MTUS1: variants seen among roughly 807,000 people sequenced by gnomAD.
MTUS1 encodes the protein microtubule associated scaffold protein 1.
MTUS1 carries 109 observed loss-of-function variants against 120.8 expected under a neutral mutation model. The ratio of observed to expected loss-of-function variants is 0.90; its 90% CI spans 0.77 to 1.06. MTUS1 has a LOEUF of 1.06. MTUS1 is among the 50% of genes least tolerant of loss of function. The pLI is 0.00. For missense variants in MTUS1, 2,210 were observed against 1,486.3 expected (o/e 1.49, Z -8.01); for synonymous variants, 737 against 550.5 (o/e 1.34, Z -4.74).
chr8:17,690,801 G>T (rs1227039989), intron 6 of MTUS1, among the ~76,000 whole-genome samples: 1 of 152,104 alleles, frequency 6.6e-6, no homozygotes, highest in African/African-American at 2.4e-5. Context: ...CATAATTGCT[G>T]ATGTTTATAA....
chr8:17,660,306 C>G (rs11203886), intron 8 of MTUS1, among the ~76,000 whole-genome samples: 27,209 of 152,046 alleles, frequency 0.18, 3,551 homozygotes, highest in African/African-American at 0.36. Flanking sequence ...CCAAGCAGTG[C>G]AGGTTGCAGT....
At chr8:17,714,015 C>T (rs190423474) in intron 5 of MTUS1, among the ~76,000 whole-genome samples, 1 of 152,150 alleles carries the variant, frequency 6.6e-6, no homozygotes, top group Admixed American at 6.5e-5. Flanking sequence ...TCCATGGAAT[C>T]TCATTCTCTG....
At chr8:17,662,953 C>T (rs1810085270) in intron 8 of MTUS1, among the ~76,000 whole-genome samples, 1 of 151,936 alleles carries the variant, frequency 6.6e-6, no homozygotes. Flanking sequence ...AAATGTAAGG[C>T]CACATTGAGA....
chr8:17,776,239 G>A (rs1189894299), intron 1 of MTUS1, among the ~76,000 whole-genome samples: 3 of 151,284 alleles, frequency 2.0e-5, no homozygotes, highest in Non-Finnish European at 2.9e-5. Flanking sequence ...CCTAGAGATG[G>A]TTTACAGTCT....
In MTUS1 at chr8:17,707,297, C is replaced by T. The variant is rs552925619; in HGVS notation, c.2623+5917G>A. On this transcript the variant is annotated intron_variant, in intron 6 of 14. Coordinates refer to ENST00000693296, the MANE Select transcript of MTUS1 (RefSeq NM_001363059.2). The stretch of plus-strand genomic sequence containing the variant: ...CCCAAAGTCACTGGCTTTTCAGCAT[C>T]ATTTTTCAGCATCAAAGTCGTCTTT... 2.6e-5 allele frequency among the ~76,000 whole-genome samples: 4 copies of T among 152,306 alleles called. No individual in the cohort carries two copies. The East Asian group carries it at 7.7e-4, about 29-fold the overall frequency.
rs1296102623 is a variant in MTUS1 at position 17,755,957 on chromosome 8, G to A, written c.-150C>T. On this transcript the variant is annotated 5_prime_UTR_variant, in exon 2 of 15. Coordinates refer to ENST00000693296, the MANE Select transcript of MTUS1 (RefSeq NM_001363059.2). ...TGCTCTGAAGATTAAATGATTTGTT[G>A]TTCCCTGGAAGAAATAAAATGTTTA... 3 of 1,418,838 alleles carry A rather than the reference G, an allele frequency of 2.1e-6. No homozygotes were observed. The highest frequency in any genetic ancestry group is 2.7e-6 in the Non-Finnish European group (3 of 1,092,398). The allele number at this position is 1,418,838 out of a possible 1,614,324, so 87.9% of individuals were successfully genotyped here.
In MTUS1 at chr8:17,645,977, C is replaced by G; in HGVS notation, c.3762G>C (p.Gln1254His). ...RSPTSSAIPL[Q>H]SPRNSGSFPS... ...GGAAGGAGCCCGAATTCCTTGGTGA[C>G]TGCAAAGGGATGGCGGAGGATGTGG... Residue 1254 changes from glutamine (Q) to histidine (H), a missense_variant, in exon 15 of 15, where the codon CAG (glutamine) becomes CAC (histidine). Coordinates refer to ENST00000693296, the MANE Select transcript of MTUS1 (RefSeq NM_001363059.2). 2 of 1,613,438 alleles carry G rather than the reference C, an allele frequency of 1.2e-6. No individual in the cohort carries two copies. Among genetic ancestry groups the G allele is most frequent in the East Asian group, 4.5e-5 (2 of 44,844 alleles).
In MTUS1 at chr8:17,713,372, G is replaced by C; in HGVS notation, c.2585-120C>G. The C allele has an allele frequency of 3.0e-6, 2 of 660,140 alleles. 1 individual carries two copies. Among genetic ancestry groups the C allele is most frequent in the Non-Finnish European group, 5.2e-6 (2 of 385,390 alleles). 40.9% of individuals were successfully genotyped at this position (660,140 alleles called of 1,614,324 possible). On this transcript the variant is annotated intron_variant, in intron 5 of 14. Transcript: ENST00000693296. ...TCAATCGCTACATTTCAGGTTCCCG[G>C]TGGGAAATATCACCGAGATTCAACC...
chr8:17,754,264 A>G lies in MTUS1; in HGVS notation c.1544T>C (p.Met515Thr), dbSNP rs1263563893. ...TTTGGGCTGCAACACTGCTCTAGAC[A>G]TAACTTTTGCTTTGACATTCTTGAA... Reference protein sequence around the residue: ...PNFKNVKAKVMSRAVLQPKDA... With the variant: ...PNFKNVKAKVTSRAVLQPKDA... The change falls in exon 2 of 15, where the codon ATG becomes ACG. Residue 515 changes from methionine (M) to threonine (T), a missense_variant. Physicochemically the swap from Met to Thr is moderately conservative, Grantham distance 81. Transcript: ENST00000693296. 9 of 1,614,060 alleles carry G rather than the reference A, an allele frequency of 5.6e-6. No homozygotes were observed. The highest frequency in any genetic ancestry group is 2.7e-5 in the African/African-American group (2 of 74,908).
At chr8:17,662,349 A>ATT (rs35308070) in intron 8 of MTUS1, among the ~76,000 whole-genome samples, 108 of 112,684 alleles carry the variant, frequency 9.6e-4, no homozygotes, top group African/African-American at 2.4e-3. Flanking sequence ...TTTTGTCCCT[A>ATT]TTTTTTTTTT....
At chr8:17,686,710 T>C (rs1035352078) in intron 6 of MTUS1, among the ~76,000 whole-genome samples, 1 of 152,206 alleles carries the variant, frequency 6.6e-6, no homozygotes. Context: ...TATTAATATT[T>C]TGGAGAAAAT....
At chr8:17,679,175 G>T (rs1031720409) in intron 7 of MTUS1, among the ~76,000 whole-genome samples, 1 of 148,944 alleles carries the variant, frequency 6.7e-6, no homozygotes, top group African/African-American at 2.5e-5. Flanking sequence ...TTTAGAAAAG[G>T]TTAGCAATAA....
intron 1 of MTUS1, among the ~76,000 whole-genome samples, chr8:17,781,940 G>A (rs1407917729): frequency 6.6e-6 from 1 of 152,208 alleles, no homozygotes; most frequent in East Asian, 1.9e-4. Context: ...ACACTCCACT[G>A]CTAACACAGC....
At position 17,745,419 on chromosome 8, in the gene MTUS1, G is replaced by GT. The variant is rs2047669376; in HGVS notation, c.2092-1621dup. On this transcript the variant is annotated intron_variant, in intron 2 of 14. Coordinates refer to ENST00000693296, the MANE Select transcript of MTUS1 (RefSeq NM_001363059.2). ...GATTCAACATAGTATTCAGCATGTAGTAAGTTCAAGTTTTGCTTTTTGAAA... is the reference window on the plus strand; with the variant it reads ...GATTCAACATAGTATTCAGCATGTAGTTAAGTTCAAGTTTTGCTTTTTGAAA... Among the ~76,000 whole-genome samples the GT allele has an allele frequency of 5.3e-5, 8 of 152,180 alleles. No homozygotes were observed. In the South Asian group the frequency reaches 1.7e-3, roughly 32 times the overall value.
intron 3 of MTUS1, among the ~76,000 whole-genome samples, chr8:17,736,406 C>A (rs62499716): frequency 1.6e-4 from 25 of 152,210 alleles, no homozygotes; most frequent in Admixed American, 3.9e-4. Context: ...TGCCTCACCT[C>A]GGGGTCTCTG....
At chr8:17,724,032 C>A (rs1226509928) in intron 3 of MTUS1, 199 bp from the exon 4 acceptor site, 2 of 574,272 alleles carry the variant, frequency 3.5e-6, no homozygotes, top group Admixed American at 3.2e-5. Context: ...GGCAAGAGAG[C>A]AGAAATGATG....
At chr8:17,677,093 T>A (rs886819574) in intron 7 of MTUS1, among the ~76,000 whole-genome samples, 99 of 152,326 alleles carry the variant, frequency 6.5e-4, no homozygotes, top group African/African-American at 2.4e-3. Context: ...TTTTTAAAAA[T>A]ATGGCATTAA....
At chr8:17,680,181 G>C (rs994988278) in intron 7 of MTUS1, among the ~76,000 whole-genome samples, 1 of 152,004 alleles carries the variant, frequency 6.6e-6, no homozygotes, top group Non-Finnish European at 1.5e-5. Context: ...AGTGGGTTCT[G>C]GACTGGGAGT....
intron 1 of MTUS1, among the ~76,000 whole-genome samples, chr8:17,760,122 G>A (rs895009981): frequency 1.3e-5 from 2 of 150,252 alleles, no homozygotes; most frequent in African/African-American, 4.9e-5. Context: ...AGGCTAGGGA[G>A]AAAGGATCAC....
Sources: gnomAD v4.1 joint callset for allele counts (sites outside exome capture counted in the v4.1 genomes callset) on GRCh38, gnomAD v4.1.1 for gene constraint, MANE v1.5 for transcripts, NCBI Gene and HGNC (gene_info 2026-07-23, HGNC 2026-07-21) for gene names.